The following EIF2AK3 variants were observed in gnomAD, a reference collection of about 807,000 sequenced individuals.
The protein encoded by EIF2AK3 is eukaryotic translation initiation factor 2 alpha kinase 3.
A neutral mutation model predicts 113.5 loss-of-function variants in EIF2AK3; 50 were observed. That is an observed-to-expected ratio of 0.44 (90% confidence interval 0.35 to 0.56). EIF2AK3 has a LOEUF of 0.56. Among genes scored for constraint, EIF2AK3 ranks in the 20% least tolerant of loss-of-function variants. EIF2AK3 has a pLI of 0.00. For missense variants in EIF2AK3, 1,185 were observed against 1,378.0 expected (o/e 0.86, Z 2.22); for synonymous variants, 448 against 495.4 (o/e 0.90, Z 1.27).
chr2:88,620,602 G>C (rs915026517), intron 1 of EIF2AK3, among the ~76,000 whole-genome samples: 5 of 152,154 alleles, frequency 3.3e-5, no homozygotes, highest in Non-Finnish European at 5.9e-5. Context: ...TATCTTTGCA[G>C]ATCTGTAGGG....
rs1283080966 is a variant in EIF2AK3, at chr2:88,557,887, T to G, written c.3200A>C (p.Glu1067Ala). ...AGCATTTTCAATGATGTTTATAGCT[T>G]CAGGTCGTTCCATGGGGGATGGAGA... Reference protein sequence around the residue: ...MLSPSPMERPEAINIIENAVF... With the variant: ...MLSPSPMERPAAINIIENAVF... The change falls in exon 17 of 17, where the codon GAA becomes GCA. Residue 1067 changes from glutamate to alanine, a missense_variant. By Grantham distance (107) the Glu-to-Ala change is moderately radical. Coordinates refer to ENST00000303236, the MANE Select transcript of EIF2AK3 (RefSeq NM_004836.7). The G allele has an allele frequency of 6.2e-7, 1 of 1,614,134 alleles. No homozygotes were observed.
intron 10 of EIF2AK3, among the ~76,000 whole-genome samples, chr2:88,582,714 TTATC>T (rs1248589228): frequency 1.3e-5 from 2 of 151,212 alleles, no homozygotes; most frequent in African/African-American, 4.9e-5. Flanking sequence ...ATATACATAT[TTATC>T]TATTATTTTC....
intron 13 of EIF2AK3, among the ~76,000 whole-genome samples, chr2:88,572,268 C>G (rs1282228803): frequency 6.6e-6 from 1 of 152,208 alleles, no homozygotes; most frequent in East Asian, 1.9e-4. Flanking sequence ...TTGTTATTTA[C>G]TGAACCCTAT....
At chr2:88,625,553 A>G (rs1359848247) in intron 1 of EIF2AK3, among the ~76,000 whole-genome samples, 1 of 152,188 alleles carries the variant, frequency 6.6e-6, no homozygotes. Flanking sequence ...CACTGTTTCT[A>G]GTCTGTAATG....
chr2:88,569,240 C>T (rs1475137443), intron 14 of EIF2AK3, among the ~76,000 whole-genome samples: 6 of 151,810 alleles, frequency 4.0e-5, no homozygotes, highest in Non-Finnish European at 8.8e-5. Flanking sequence ...TGGTAGCTCA[C>T]GCCTGTGATC....
At chr2:88,597,267 T>G (rs1285130336) in intron 2 of EIF2AK3, among the ~76,000 whole-genome samples, 6 of 151,894 alleles carry the variant, frequency 4.0e-5, no homozygotes, top group Admixed American at 3.9e-4. Flanking sequence ...CTTATTATTT[T>G]CCAGTTCAAA....
chr2:88,586,595 C>CT (rs533167763), intron 8 of EIF2AK3, among the ~76,000 whole-genome samples: 3,181 of 119,912 alleles, frequency 0.027, 82 homozygotes, highest in Middle Eastern at 0.078. Context: ...TTTATCTTGC[C>CT]TTTTTTTTTT....
intron 16 of EIF2AK3, among the ~76,000 whole-genome samples, chr2:88,558,709 T>A (rs1191846804): frequency 6.6e-6 from 1 of 152,226 alleles, no homozygotes; most frequent in Non-Finnish European, 1.5e-5. Flanking sequence ...TGCTACAGTG[T>A]GGAACACTGG....
Position 88,613,815 on chromosome 2 carries a change from G to A in EIF2AK3, c.347C>T (p.Ala116Val), listed in dbSNP as rs1338949091. The A allele has an allele frequency of 6.2e-7, 1 of 1,613,594 alleles. No homozygotes were observed. Among genetic ancestry groups the A allele is most frequent in the Non-Finnish European group, 8.5e-7 (1 of 1,179,660 alleles). The change falls in exon 2 of 17, where the codon GCT becomes GTT. Residue 116 changes from alanine (A) to valine (V), a missense_variant. Transcript: ENST00000303236. ...ACCATGATTTTCAGGATCCAAGGCA[G>A]CAATTCTCCCATCTAAAGTGCTGAT... ...VIISTLDGRI[A>V]ALDPENHGKK...
At chr2:88,611,296 C>G (rs1036997737) in intron 2 of EIF2AK3, among the ~76,000 whole-genome samples, 1 of 152,062 alleles carries the variant, frequency 6.6e-6, no homozygotes. Context: ...AAAATGGGAC[C>G]AACTTATCAA....
chr2:88,567,212 CCT>C (rs1674155442), intron 14 of EIF2AK3, among the ~76,000 whole-genome samples: 1 of 139,812 alleles, frequency 7.2e-6, no homozygotes, highest in Admixed American at 7.1e-5. Flanking sequence ...CCCTTTCTAA[CCT>C]TTTTTTTTTT....
chr2:88,593,151 T>C (rs1454205792), intron 4 of EIF2AK3, 121 bp downstream of exon 4: 5 of 1,165,946 alleles, frequency 4.3e-6, no homozygotes, highest in Non-Finnish European at 6.1e-6. Context: ...CAAAAAAATA[T>C]ATATATATAT....
intron 10 of EIF2AK3, among the ~76,000 whole-genome samples, chr2:88,580,485 C>T (rs560724326): frequency 6.6e-6 from 1 of 152,244 alleles, no homozygotes; most frequent in African/African-American, 2.4e-5. Flanking sequence ...AGTATTTAAA[C>T]TTAATCTTAA....
rs371389672 is a variant in EIF2AK3, at chr2:88,579,637, A to C, written c.1767T>G (p.Tyr589Ter). The C allele has an allele frequency of 6.2e-7, 1 of 1,613,284 alleles. No individual in the cohort carries two copies. The highest frequency in any genetic ancestry group is 8.5e-7 in the Non-Finnish European group (1 of 1,179,514). ...DIKNSGYISR[Y>*]LTDFEPIQCL... ...ATTGAATTGGCTCAAAATCAGTTAG[A>C]TATCTTTAAAAAGAGATAAAATTTA... The change falls in exon 11 of 17, where the codon TAT (tyrosine) becomes TAG (stop). Residue 589 changes from tyrosine (Y) to a stop codon, truncating the protein, a stop_gained. Coordinates refer to ENST00000303236, the MANE Select transcript of EIF2AK3 (RefSeq NM_004836.7). LOFTEE classifies it high-confidence loss of function.
intron 11 of EIF2AK3, among the ~76,000 whole-genome samples, chr2:88,578,594 A>G (rs1674521908): frequency 6.6e-6 from 1 of 151,950 alleles, no homozygotes; most frequent in Admixed American, 6.6e-5. Flanking sequence ...AGGCATGAGA[A>G]TCACTTGAAC....
At chr2:88,558,508 TA>T (rs1673847550) in intron 16 of EIF2AK3, among the ~76,000 whole-genome samples, 1 of 152,228 alleles carries the variant, frequency 6.6e-6, no homozygotes, top group African/African-American at 2.4e-5. Flanking sequence ...TGACAATTTT[TA>T]GTAAAACAGA....
rs144792714 is a variant in EIF2AK3 at position 88,579,406 on chromosome 2, G to A, written c.1886+112C>T. ...GCACTTAGAACCTAAGATTTGAAAC[G>A]TCTGAAACTGTTTTCTATGGTGTTT... On this transcript the variant is annotated intron_variant, in intron 11 of 16. Coordinates refer to ENST00000303236, the MANE Select transcript of EIF2AK3 (RefSeq NM_004836.7). The A allele has an allele frequency of 3.4e-4, 476 of 1,418,306 alleles. 1 individual carries two copies. In the East Asian group the frequency reaches 7.7e-3, roughly 23 times the overall value. The allele number at this position is 1,418,306 out of a possible 1,614,324, so 87.9% of individuals were successfully genotyped here. A position where few individuals can be genotyped will look rare whatever the true frequency, so the allele number is the denominator to read the frequency against.
intron 8 of EIF2AK3, among the ~76,000 whole-genome samples, chr2:88,587,018 A>T (rs1339353258): frequency 1.3e-5 from 2 of 150,588 alleles, no homozygotes; most frequent in African/African-American, 4.9e-5. Flanking sequence ...CAGCCTGGCC[A>T]ATATGGTGAA....
rs534589857 is a variant in EIF2AK3 at position 88,606,463 on chromosome 2, TAAAAG to T, written c.438+7256_438+7260del. ...TAAAGCACTGTTTCATTTCTATAATTAAAAGAAAAGCAATTAACCCAGGCAATTAT... is the reference window on the plus strand; with the variant it reads ...TAAAGCACTGTTTCATTTCTATAATTAAAAGCAATTAACCCAGGCAATTAT... On this transcript the variant is annotated intron_variant, in intron 2 of 16. Coordinates refer to ENST00000303236, the MANE Select transcript of EIF2AK3 (RefSeq NM_004836.7). Among the ~76,000 whole-genome samples, 604 of 152,212 alleles carry T rather than the reference TAAAAG, an allele frequency of 4.0e-3. 4 individuals are homozygous for T. The highest frequency in any genetic ancestry group is 8.2e-3 in the Admixed American group (125 of 15,294).
Sources: allele counts gnomAD v4.1 joint callset (sites outside exome capture counted in the v4.1 genomes callset), GRCh38; gene constraint gnomAD v4.1.1; transcripts MANE v1.5; gene names NCBI Gene and HGNC (gene_info 2026-07-23, HGNC 2026-07-21).